Variants in TEX2 observed in about 807,000 individuals in gnomAD.
The protein encoded by TEX2 is testis-expressed protein 2.
A neutral mutation model predicts 106.9 loss-of-function variants in TEX2; 53 were observed. The observed-to-expected ratio is 0.50, with a 90% CI of 0.40 to 0.62. The LOEUF (loss-of-function observed/expected upper bound fraction) is 0.62. TEX2 is among the 20% of genes least tolerant of loss of function. The pLI is 0.00. For missense variants in TEX2, 1,207 were observed against 1,379.0 expected (o/e 0.88, Z 1.98); for synonymous variants, 523 against 534.8 (o/e 0.98, Z 0.30).
intron 1 of TEX2, among the ~76,000 whole-genome samples, chr17:64,253,951 T>G (rs367733162): frequency 6.6e-6 from 1 of 152,214 alleles, no homozygotes; most frequent in Non-Finnish European, 1.5e-5. Flanking sequence ...CAGCAGCTCA[T>G]GCTCTCTGCG....
At chr17:64,215,572 C>T (rs1174770593) in intron 1 of TEX2, among the ~76,000 whole-genome samples, 2 of 152,144 alleles carry the variant, frequency 1.3e-5, no homozygotes, top group East Asian at 1.9e-4. Flanking sequence ...GGACATAGGG[C>T]TTCTAGTACT....
chr17:64,202,017 C>T (rs782127365), intron 2 of TEX2, among the ~76,000 whole-genome samples: 7 of 152,116 alleles, frequency 4.6e-5, no homozygotes, highest in Admixed American at 6.5e-5. Context: ...AAGAAGCTGA[C>T]GCCCTAATAA....
intron 4 of TEX2, among the ~76,000 whole-genome samples, chr17:64,189,581 A>T (rs540061174): frequency 6.6e-6 from 1 of 152,300 alleles, no homozygotes; most frequent in African/African-American, 2.4e-5. Context: ...CCAACCTCGA[A>T]TTTAATATTG....
Position 64,148,812 on chromosome 17 carries a change from C to A in TEX2, c.*157G>T. On this transcript the variant is annotated 3_prime_UTR_variant, in exon 12 of 12. Transcript: ENST00000584379. Reference sequence around the variant, plus strand: ...TGTCACTAGATGCAGGGAATGACACCTCACAGTGGAATGGGCACTGGCAGG... The same window carrying A: ...TGTCACTAGATGCAGGGAATGACACATCACAGTGGAATGGGCACTGGCAGG... 3 of 862,262 alleles carry A rather than the reference C, an allele frequency of 3.5e-6. No homozygotes were observed. The highest frequency in any genetic ancestry group is 5.2e-6 in the Non-Finnish European group (3 of 573,248). 53.4% of individuals were successfully genotyped at this position (862,262 alleles called of 1,614,324 possible). A position where few individuals can be genotyped will look rare whatever the true frequency, so the allele number is the denominator to read the frequency against.
intron 1 of TEX2, among the ~76,000 whole-genome samples, chr17:64,253,825 T>A (rs2034137159): frequency 6.6e-6 from 1 of 152,108 alleles, no homozygotes; most frequent in Non-Finnish European, 1.5e-5. Context: ...TTTTCAGAAT[T>A]TCTAGAAAAA....
At chr17:64,258,362 CA>C (rs2034224343) in intron 1 of TEX2, among the ~76,000 whole-genome samples, 1 of 152,124 alleles carries the variant, frequency 6.6e-6, no homozygotes, top group African/African-American at 2.4e-5. Context: ...CACTGGGGAG[CA>C]ACATAAGCCA....
chr17:64,212,881 G>A lies in TEX2; in HGVS notation c.1337C>T (p.Pro446Leu). 1.2e-6 allele frequency: 2 copies of A among 1,614,170 alleles called. No homozygotes were observed. Among genetic ancestry groups the A allele is most frequent in the Non-Finnish European group, 1.7e-6 (2 of 1,180,044 alleles). The change falls in exon 2 of 12, where the codon CCA (proline) becomes CTA (leucine). Residue 446 changes from proline to leucine, a missense_variant. Coordinates refer to ENST00000584379, the MANE Select transcript of TEX2 (RefSeq NM_001288732.2). The part of the protein sequence containing the change: ...VDKLSDIPLK[P>L]EVLAEDGVVL... The stretch of plus-strand genomic sequence containing the variant: ...CACACCATCTTCCGCGAGCACCTCT[G>A]GCTTGAGAGGAATATCTGAGAGCTT...
chr17:64,167,271 C>T (rs1373191136), intron 7 of TEX2, among the ~76,000 whole-genome samples: 1 of 152,134 alleles, frequency 6.6e-6, no homozygotes, highest in East Asian at 1.9e-4. Flanking sequence ...GCTGAGAATG[C>T]CATTTTGTTT....
chr17:64,223,713 CTT>C (rs34897234), intron 1 of TEX2, among the ~76,000 whole-genome samples: 13 of 110,748 alleles, frequency 1.2e-4, no homozygotes, highest in Admixed American at 1.1e-4. Flanking sequence ...AACAGAGCAT[CTT>C]TTTTTTTTTT....
intron 1 of TEX2, among the ~76,000 whole-genome samples, chr17:64,261,922 C>T (rs1388814439): frequency 6.6e-6 from 1 of 152,190 alleles, no homozygotes; most frequent in Non-Finnish European, 1.5e-5. Context: ...TGTGACCCAG[C>T]CCTAAAACTC....
intron 7 of TEX2, among the ~76,000 whole-genome samples, chr17:64,166,833 T>A (rs1177550957): frequency 6.6e-6 from 1 of 152,076 alleles, no homozygotes; most frequent in Non-Finnish European, 1.5e-5. Flanking sequence ...TTTGGCTGAG[T>A]GGCAGGCCCT....
At chr17:64,167,240 T>C (rs542934681) in intron 7 of TEX2, among the ~76,000 whole-genome samples, 1 of 152,336 alleles carries the variant, frequency 6.6e-6, no homozygotes, top group African/African-American at 2.4e-5. Context: ...CTTGACTTCT[T>C]ACAGCAGCAA....
At chr17:64,252,342 T>C (rs1355154049) in intron 1 of TEX2, among the ~76,000 whole-genome samples, 1 of 152,186 alleles carries the variant, frequency 6.6e-6, no homozygotes, top group Non-Finnish European at 1.5e-5. Context: ...TTGTCTGTTT[T>C]TGAGGTGTCA....
intron 1 of TEX2, among the ~76,000 whole-genome samples, chr17:64,247,596 G>T (rs1414810224): frequency 2.0e-5 from 3 of 152,206 alleles, no homozygotes; most frequent in African/African-American, 7.2e-5. Context: ...CTTGCGCACG[G>T]ATGCCCCGCG....
chr17:64,214,059 C>T lies in TEX2; in HGVS notation c.159G>A (p.Arg53=). 6.2e-7 allele frequency: 1 copy of T among 1,614,164 alleles called. No individual in the cohort carries two copies. Among genetic ancestry groups the T allele is most frequent in the Non-Finnish European group, 8.5e-7 (1 of 1,180,034 alleles). ...EEEEEEEEEF[R]EYFEEGLDDQ... ...CATCCAGCCCCTCCTCAAAGTACTC[C>T]CTGAACTCCTCCTCCTCTTCCTCCT... The change falls in exon 2 of 12, where the codon AGG becomes AGA. Residue 53 remains arginine, a synonymous_variant. Transcript: ENST00000584379.
Position 64,193,728 on chromosome 17 carries a change from C to T in TEX2, c.2007G>A (p.Lys669=). 1 of 1,613,580 alleles carries T rather than the reference C, an allele frequency of 6.2e-7. No homozygotes were observed. Among genetic ancestry groups the T allele is most frequent in the East Asian group, 2.2e-5 (1 of 44,858 alleles). ...KPPAEGSEDP[K]KPPRPQEGTR... is the part of the protein sequence containing the mutation. ...TTCCCTCCTGAGGGCGGGGTGGCTT[C>T]TTAGGGTCCTCACTTCCCTCAGCTG... is the stretch of plus-strand genomic sequence containing the variant. The change falls in exon 4 of 12, where the codon AAG becomes AAA. Residue 669 remains lysine (K), a synonymous_variant. Coordinates refer to ENST00000584379, the MANE Select transcript of TEX2 (RefSeq NM_001288732.2).
chr17:64,172,576 TCTACTGAAGGCCACAG>T (rs2031457137), intron 6 of TEX2, among the ~76,000 whole-genome samples: 1 of 151,986 alleles, frequency 6.6e-6, no homozygotes, highest in Non-Finnish European at 1.5e-5. Flanking sequence ...GTCCCCCCCA[TCTACTGAAGGCCACAG>T]CTCCTGTAAC....
intron 6 of TEX2, among the ~76,000 whole-genome samples, chr17:64,173,835 C>A (rs2031511845): frequency 1.3e-5 from 2 of 151,978 alleles, no homozygotes; most frequent in African/African-American, 4.8e-5. Context: ...ACTGTCACCT[C>A]CAATGGTGTT....
intron 1 of TEX2, among the ~76,000 whole-genome samples, chr17:64,214,639 A>T (rs1048436911): frequency 1.3e-5 from 2 of 152,222 alleles, no homozygotes; most frequent in African/African-American, 4.8e-5. Context: ...GTTGAGTTTG[A>T]GGATCTTGGA....
Sources: allele counts gnomAD v4.1 joint callset (sites outside exome capture counted in the v4.1 genomes callset), GRCh38; gene constraint gnomAD v4.1.1; transcripts MANE v1.5; gene names NCBI Gene and HGNC (gene_info 2026-07-23, HGNC 2026-07-21).